The following BMAL2 variants were observed in gnomAD, a reference collection of about 807,000 sequenced individuals.
BMAL2 encodes the protein basic helix-loop-helix ARNT-like protein 2.
chr12:27,346,578 A>G, the BMAL2 span, among the ~76,000 whole-genome samples: 1 of 152,108 alleles, frequency 6.6e-6, no homozygotes, highest in Non-Finnish European at 1.5e-5. Flanking sequence ...CTTTGTTTTT[A>G]AAGTGTTACT....
At chr12:27,340,823 C>A in the BMAL2 span, among the ~76,000 whole-genome samples, 1 of 152,094 alleles carries the variant, frequency 6.6e-6, no homozygotes, top group Admixed American at 6.5e-5. Context: ...AGATTTTTCC[C>A]CTCCCTGTTA....
chr12:27,416,258 GAATT>G, the BMAL2 span, among the ~76,000 whole-genome samples: 2 of 152,116 alleles, frequency 1.3e-5, no homozygotes, highest in Non-Finnish European at 2.9e-5. Context: ...AGGATTGTGA[GAATT>G]AAGAGCTTAA....
the BMAL2 span, chr12:27,415,718 T>C: frequency 1.6e-6 from 1 of 619,590 alleles, no homozygotes; most frequent in South Asian, 2.0e-5. Context: ...GCCTGGCACC[T>C]AGTAAGTCAG....
At chr12:27,396,806 A>C in the BMAL2 span, among the ~76,000 whole-genome samples, 3 of 152,224 alleles carry the variant, frequency 2.0e-5, no homozygotes, top group Admixed American at 1.3e-4. Context: ...GGAATGTGTC[A>C]GCATTCAGTG....
the BMAL2 span, among the ~76,000 whole-genome samples, chr12:27,344,942 A>G: frequency 6.6e-6 from 1 of 152,216 alleles, no homozygotes; most frequent in Admixed American, 6.5e-5. Context: ...TGGGGATGTC[A>G]GCAGCTGCAG....
At chr12:27,401,408 ACAGTTTTAACTCTTAATTTC>A in the BMAL2 span, 93 of 1,560,344 alleles carry the variant, frequency 6.0e-5, no homozygotes, top group Non-Finnish European at 7.9e-5. Flanking sequence ...ATTTAAAATG[ACAGTTTTAACTCTTAATTTC>A]CCATTCCTGT....
chr12:27,401,611 T>C, the BMAL2 span: 1 of 1,611,928 alleles, frequency 6.2e-7, no homozygotes, highest in African/African-American at 1.3e-5. Context: ...AGCCAATGGT[T>C]TAGTTTCACA....
chr12:27,403,456 A>G, the BMAL2 span: 5,078 of 1,607,840 alleles, frequency 3.2e-3, 13 homozygotes, highest in Non-Finnish European at 4.0e-3. Flanking sequence ...GTCCTGTATG[A>G]GTGTACCTGG....
At chr12:27,353,324 G>A in the BMAL2 span, among the ~76,000 whole-genome samples, 1 of 152,102 alleles carries the variant, frequency 6.6e-6, no homozygotes, top group Non-Finnish European at 1.5e-5. Context: ...CAAACAATGG[G>A]GAAATGAGTC....
At chr12:27,401,473 G>T in the BMAL2 span, 1 of 1,541,652 alleles carries the variant, frequency 6.5e-7, no homozygotes. Flanking sequence ...TCACAACATT[G>T]ATTTTTATAG....
chr12:27,347,623 A>G, the BMAL2 span, among the ~76,000 whole-genome samples: 11 of 152,166 alleles, frequency 7.2e-5, no homozygotes, highest in Admixed American at 5.2e-4. Context: ...TTTTTTTAAA[A>G]AAAATATCCT....
chr12:27,368,639 A>G, the BMAL2 span, among the ~76,000 whole-genome samples: 1 of 152,200 alleles, frequency 6.6e-6, no homozygotes, highest in African/African-American at 2.4e-5. Context: ...AAAGAGACAT[A>G]GGAACATGAG....
At chr12:27,390,208 G>C in the BMAL2 span, 2,385 of 1,613,892 alleles carry the variant, frequency 1.5e-3, 47 homozygotes, top group African/African-American at 0.028. Flanking sequence ...TCAAAGAAGA[G>C]CATGGATGCT....
At chr12:27,409,397 A>T in the BMAL2 span, among the ~76,000 whole-genome samples, 1 of 152,192 alleles carries the variant, frequency 6.6e-6, no homozygotes, top group African/African-American at 2.4e-5. Flanking sequence ...CAAAACAGAG[A>T]TATAGACCAA....
chr12:27,389,612 C>A, the BMAL2 span, among the ~76,000 whole-genome samples: 2 of 151,946 alleles, frequency 1.3e-5, no homozygotes, highest in African/African-American at 4.8e-5. Flanking sequence ...GCTGAAGTTC[C>A]CATTATTTAG....
chr12:27,378,351 G>C, the BMAL2 span, among the ~76,000 whole-genome samples: 1 of 152,210 alleles, frequency 6.6e-6, no homozygotes, highest in South Asian at 2.1e-4. Context: ...AGCTTAGAGA[G>C]AGCAGTGATT....
At chr12:27,365,237 G>T in the BMAL2 span, among the ~76,000 whole-genome samples, 28 of 152,096 alleles carry the variant, frequency 1.8e-4, no homozygotes, top group African/African-American at 6.7e-4. Context: ...TTCCTGAGAT[G>T]ATTGTATAGT....
the BMAL2 span, among the ~76,000 whole-genome samples, chr12:27,371,956 T>C: frequency 5.3e-5 from 8 of 152,250 alleles, no homozygotes; most frequent in African/African-American, 1.9e-4. Context: ...AATTTGCTTA[T>C]TCTAGCAAAT....
chr12:27,372,918 CCA>C, the BMAL2 span, among the ~76,000 whole-genome samples: 12 of 152,142 alleles, frequency 7.9e-5, no homozygotes, highest in African/African-American at 2.9e-4. Context: ...CGTGATCTGC[CCA>C]CCTCGGCCTC....
Sources: gnomAD v4.1 joint callset for allele counts (sites outside exome capture counted in the v4.1 genomes callset) on GRCh38, gnomAD v4.1.1 for gene constraint, MANE v1.5 for transcripts, NCBI Gene and HGNC (gene_info 2026-07-23, HGNC 2026-07-21) for gene names.